TRUB1: variants seen among roughly 807,000 people sequenced by gnomAD.
TRUB1 encodes pseudouridylate synthase TRUB1.
In TRUB1, 23 loss-of-function variants were observed where a neutral mutation model predicts 33.9. The observed-to-expected ratio is 0.68, with a 90% CI of 0.49 to 0.96. The LOEUF (loss-of-function observed/expected upper bound fraction) is 0.96, where lower values mean the gene tolerates loss of function less well. Among genes scored for constraint, TRUB1 ranks in the 40% least tolerant of loss-of-function variants. The probability of loss-of-function intolerance (pLI) is 0.00; values close to 1 mark genes in which losing one functional copy is unlikely to be tolerated. For missense variants in TRUB1, 378 were observed against 422.2 expected, an observed-to-expected ratio of 0.90 and a Z score of 0.92; for synonymous variants, 163 against 165.4, an observed-to-expected ratio of 0.99 and a Z score of 0.11.
At chr10:114,944,204 CT>C (rs2084201943) in intron 2 of TRUB1, among the ~76,000 whole-genome samples, 1 of 151,866 alleles carries the variant, frequency 6.6e-6, no homozygotes. Context: ...CAATACTTAT[CT>C]TTTTACATGC....
Position 114,945,489 on chromosome 10 carries a change from T to C in TRUB1, c.385+2746T>C, listed in dbSNP as rs11197004. ...ATAGATCAATTCTATTAATTTCGGG[T>C]GGCGGTTCTTCATTGGCATGCAGAA... On this transcript the variant is annotated intron_variant, in intron 2 of 7. Transcript: ENST00000298746. Among the ~76,000 whole-genome samples, 523 of 152,272 alleles carry C rather than the reference T, an allele frequency of 3.4e-3. 5 individuals carry two copies. Among genetic ancestry groups the C allele is most frequent in the African/African-American group, 0.012 (487 of 41,570 alleles).
chr10:114,972,730 TC>T, intron 6 of TRUB1, among the ~76,000 whole-genome samples: 1 of 152,210 alleles, frequency 6.6e-6, no homozygotes, highest in South Asian at 2.1e-4. Context: ...AACCCCTCAC[TC>T]CCTTCTTCAC....
Position 114,938,285 on chromosome 10 carries a change from C to T in TRUB1, c.32C>T (p.Ser11Leu), listed in dbSNP as rs774806190. The T allele has an allele frequency of 6.2e-7, 1 of 1,614,212 alleles. No individual in the cohort carries two copies. Among genetic ancestry groups the T allele is most frequent in the Admixed American group, 1.7e-5 (1 of 60,030 alleles). Reference protein sequence around the residue: MAASEAAVVSSPSLKTDTSPV... With the variant: MAASEAAVVSLPSLKTDTSPV... ...GCTTCTGAGGCGGCGGTGGTGTCTT[C>T]GCCGTCTTTGAAAACAGACACATCC... The change falls in exon 1 of 8, where the codon TCG (serine) becomes TTG (leucine). Residue 11 changes from serine to leucine, a missense_variant. Physicochemically the swap from Ser to Leu is moderately radical, Grantham distance 145 (BLOSUM62 -2). Coordinates refer to ENST00000298746, the MANE Select transcript of TRUB1 (RefSeq NM_139169.5).
chr10:114,959,144 A>G (rs965448332), intron 3 of TRUB1, among the ~76,000 whole-genome samples: 2 of 152,188 alleles, frequency 1.3e-5, no homozygotes, highest in Non-Finnish European at 2.9e-5. Context: ...CAAACAAACA[A>G]ACAAACAAAA....
Position 114,938,227 on chromosome 10 carries a change from G to C in TRUB1, c.-27G>C, listed in dbSNP as rs769375045. 3.7e-6 allele frequency: 6 copies of C among 1,607,150 alleles called. No individual in the cohort carries two copies. The highest frequency in any genetic ancestry group is 5.1e-6 in the Non-Finnish European group (6 of 1,178,188). ...TTGCATCATCAGCGTGCACCTCCAC[G>C]ATGAAACAGGTCTGGGCTACAAAAG... On this transcript the variant is annotated 5_prime_UTR_variant, in exon 1 of 8. Transcript: ENST00000298746.
At chr10:114,953,867 C>T (rs940362303) in intron 3 of TRUB1, among the ~76,000 whole-genome samples, 3 of 152,116 alleles carry the variant, frequency 2.0e-5, no homozygotes, top group East Asian at 1.9e-4. Flanking sequence ...CCAGATCTCG[C>T]GTGAACTCAT....
At chr10:114,963,535 G>A (rs2084293287) in intron 4 of TRUB1, among the ~76,000 whole-genome samples, 1 of 152,200 alleles carries the variant, frequency 6.6e-6, no homozygotes, top group African/African-American at 2.4e-5. Flanking sequence ...AATATCTGTA[G>A]CTAGCTATCA....
chr10:114,959,782 G>GA lies in TRUB1; in HGVS notation c.499dup (p.Arg167LysfsTer10). 2 of 1,607,968 alleles carry GA rather than the reference G, an allele frequency of 1.2e-6. No individual in the cohort carries two copies. The highest frequency in any genetic ancestry group is 8.5e-7 in the Non-Finnish European group (1 of 1,174,640). Reference sequence around the variant, plus strand: ...CTACTGATACACTAGATTCTACGGGGAGGGTAACAGAAGAAAAACCTTACG... The same window carrying GA: ...CTACTGATACACTAGATTCTACGGGGAAGGGTAACAGAAGAAAAACCTTACG... On this transcript the variant is annotated frameshift_variant, in exon 4 of 8. Coordinates refer to ENST00000298746, the MANE Select transcript of TRUB1 (RefSeq NM_139169.5). LOFTEE classifies it high-confidence loss of function.
chr10:114,944,849 G>T (rs141174028), intron 2 of TRUB1, among the ~76,000 whole-genome samples: 1,938 of 152,080 alleles, frequency 0.013, 46 homozygotes, highest in African/African-American at 0.044. Context: ...GCTGGGTGTG[G>T]TGACACATAC....
Position 114,977,138 on chromosome 10 carries a change from C to G in TRUB1, c.*1759C>G, listed in dbSNP as rs184402076. ...TTGACCATTTTTAAAAAACGATAGC[C>G]ACTCTTTTTCTTTTATGTTTAAAAC... On this transcript the variant is annotated 3_prime_UTR_variant, in exon 8 of 8. Coordinates refer to ENST00000298746, the MANE Select transcript of TRUB1 (RefSeq NM_139169.5). 3.0e-3 allele frequency: 459 copies of G among 152,142 alleles called. 3 individuals are homozygous for G. The highest frequency in any genetic ancestry group is 0.011 in the African/African-American group (442 of 41,534). 9.4% of individuals were successfully genotyped at this position (152,142 alleles called of 1,614,324 possible).
In TRUB1 at chr10:114,942,579, A is replaced by G. The variant is rs1192081722; in HGVS notation, c.287-66A>G. ...AAAATGCCATCCCCTTTTCCTCCCA[A>G]GTTTATGAAGATCCTACTTCATTTG... On this transcript the variant is annotated intron_variant, in intron 1 of 7. Transcript: ENST00000298746. 12 of 1,100,668 alleles carry G rather than the reference A, an allele frequency of 1.1e-5. 1 individual carries two copies. Among genetic ancestry groups the G allele is most frequent in the South Asian group, 4.0e-5 (3 of 75,644 alleles). The allele number at this position is 1,100,668 out of a possible 1,614,324, so 68.2% of individuals were successfully genotyped here. A position where few individuals can be genotyped will look rare whatever the true frequency, so the allele number is the denominator to read the frequency against.
Position 114,971,880 on chromosome 10 carries a change from G to A in TRUB1, c.597-255G>A, listed in dbSNP as rs537753253. ...GAAAGATGATTAAAGAATAAAATTG[G>A]TAACACTGCATATTGTGTGCCAGAA... On this transcript the variant is annotated intron_variant, in intron 5 of 7. Transcript: ENST00000298746. Among the ~76,000 whole-genome samples, 24 of 152,290 alleles carry A rather than the reference G, an allele frequency of 1.6e-4. 1 individual carries two copies. The highest frequency in any genetic ancestry group is 5.8e-4 in the African/African-American group (24 of 41,558).
intron 2 of TRUB1, among the ~76,000 whole-genome samples, chr10:114,945,558 C>T (rs1480582591): frequency 6.6e-6 from 1 of 152,218 alleles, no homozygotes; most frequent in African/African-American, 2.4e-5. Flanking sequence ...AGTTTTTACC[C>T]TGAACCTAAG....
At chr10:114,971,328 A>G (rs1011151531) in intron 5 of TRUB1, among the ~76,000 whole-genome samples, 1 of 152,166 alleles carries the variant, frequency 6.6e-6, no homozygotes, top group Non-Finnish European at 1.5e-5. Flanking sequence ...GCACATTACC[A>G]TTTCAAGCAA....
intron 2 of TRUB1, among the ~76,000 whole-genome samples, chr10:114,946,164 A>C (rs1041143058): frequency 4.6e-5 from 7 of 152,164 alleles, no homozygotes; most frequent in African/African-American, 1.7e-4. Context: ...TTTAGTTACT[A>C]ACTGTATACA....
chr10:114,971,945 C>A (rs993576618), intron 5 of TRUB1, among the ~76,000 whole-genome samples, 190 bp from the exon 6 acceptor site: 1 of 152,178 alleles, frequency 6.6e-6, no homozygotes, highest in Non-Finnish European at 1.5e-5. Flanking sequence ...GAAACTCTAT[C>A]CATGACAGCA....
chr10:114,938,312 C>G lies in TRUB1; in HGVS notation c.59C>G (p.Pro20Arg). Residue 20 changes from proline to arginine, a missense_variant, in exon 1 of 8, where the codon CCT (proline) becomes CGT (arginine). Pro to Arg is a moderately radical substitution (Grantham distance 103, BLOSUM62 -2). Transcript: ENST00000298746. ...CCGTCTTTGAAAACAGACACATCCC[C>G]TGTCCTTGAAACTGCAGGAACGGTC... ...SSPSLKTDTS[P>R]VLETAGTVAA... 1 of 1,614,224 alleles carries G rather than the reference C, an allele frequency of 6.2e-7. No individual in the cohort carries two copies. Among genetic ancestry groups the G allele is most frequent in the South Asian group, 1.1e-5 (1 of 91,086 alleles).
chr10:114,942,691 T>C lies in TRUB1; in HGVS notation c.333T>C (p.Thr111=), dbSNP rs775496233. The stretch of plus-strand genomic sequence containing the variant: ...AATGGACCAAGAGGAAAAAGCAGAC[T>C]TTGAAAATTGGGCATGGAGGGACTC... The part of the protein sequence containing the change: ...SPEWTKRKKQ[T]LKIGHGGTLD... Residue 111 remains threonine, a synonymous_variant, in exon 2 of 8, where the codon ACT becomes ACC. Coordinates refer to ENST00000298746, the MANE Select transcript of TRUB1 (RefSeq NM_139169.5). The C allele has an allele frequency of 3.7e-6, 6 of 1,614,132 alleles. No homozygotes were observed. Among genetic ancestry groups the C allele is most frequent in the Non-Finnish European group, 5.1e-6 (6 of 1,180,004 alleles).
chr10:114,970,953 T>C (rs944666369), intron 5 of TRUB1, among the ~76,000 whole-genome samples: 5 of 152,242 alleles, frequency 3.3e-5, no homozygotes, highest in Non-Finnish European at 7.3e-5. Context: ...CTGCTTGTCT[T>C]AGTTTGGGCT....
Sources: allele counts gnomAD v4.1 joint callset (sites outside exome capture counted in the v4.1 genomes callset), GRCh38; gene constraint gnomAD v4.1.1; transcripts MANE v1.5; gene names NCBI Gene and HGNC (gene_info 2026-07-23, HGNC 2026-07-21).